The following AUTS2 variants were observed in gnomAD, a reference collection of about 807,000 sequenced individuals.
AUTS2 encodes activator of transcription and developmental regulator AUTS2.
AUTS2 carries 17 observed loss-of-function variants against 112.4 expected under a neutral mutation model. The observed-to-expected ratio is 0.15, with a 90% CI of 0.10 to 0.23. AUTS2 has a LOEUF of 0.23. AUTS2 is among the 10% of genes least tolerant of loss of function. The probability of loss-of-function intolerance (pLI) is 1.00; values close to 1 mark genes in which losing one functional copy is unlikely to be tolerated. For synonymous variants in AUTS2, 751 were observed against 702.7 expected (o/e 1.07, Z -1.09); for missense variants, 1,510 against 1,701.6 (o/e 0.89, Z 1.98).
intron 1 of AUTS2, among the ~76,000 whole-genome samples, chr7:69,712,598 C>A (rs1427973232): frequency 1.3e-5 from 2 of 152,036 alleles, no homozygotes; most frequent in Non-Finnish European, 2.9e-5. Flanking sequence ...TATGGATACA[C>A]CAAAGTTTGT....
chr7:70,448,549 A>C (rs1046142763), intron 5 of AUTS2, among the ~76,000 whole-genome samples: 2 of 152,226 alleles, frequency 1.3e-5, no homozygotes, highest in African/African-American at 4.8e-5. Context: ...CCTTAGATCC[A>C]ATCACTCAAG....
In AUTS2 at chr7:69,877,741, T is replaced by C. The variant is rs778156301; in HGVS notation, c.310-21545T>C. Among the ~76,000 whole-genome samples, 41 of 152,154 alleles carry C rather than the reference T, an allele frequency of 2.7e-4. 1 individual carries two copies. Among genetic ancestry groups the C allele is most frequent in the Non-Finnish European group, 4.9e-4 (33 of 68,034 alleles). ...TTTCCTGTTACTGTGGTAATTCGCTTAGGAGAAAAACACATTTAAATAGAC... is the reference window on the plus strand; with the variant it reads ...TTTCCTGTTACTGTGGTAATTCGCTCAGGAGAAAAACACATTTAAATAGAC... On this transcript the variant is annotated intron_variant, in intron 1 of 18. Coordinates refer to ENST00000342771, the MANE Select transcript of AUTS2 (RefSeq NM_015570.4).
intron 5 of AUTS2, among the ~76,000 whole-genome samples, chr7:70,635,405 G>A (rs1805483302): frequency 6.6e-6 from 1 of 152,334 alleles, no homozygotes; most frequent in African/African-American, 2.4e-5. Flanking sequence ...TTTTAGTGGA[G>A]ATAGGTTAGC....
At chr7:69,797,146 C>A (rs574497564) in intron 1 of AUTS2, among the ~76,000 whole-genome samples, 12 of 152,280 alleles carry the variant, frequency 7.9e-5, no homozygotes, top group Non-Finnish European at 1.8e-4. Context: ...CAGAATGTAA[C>A]CTCTTGGGGA....
chr7:70,417,096 C>T (rs1795018648), intron 4 of AUTS2, among the ~76,000 whole-genome samples: 1 of 152,198 alleles, frequency 6.6e-6, no homozygotes, highest in Non-Finnish European at 1.5e-5. Context: ...CTCCACTCTG[C>T]TGGAGGAGAC....
At chr7:69,657,006 C>A (rs1213906863) in intron 1 of AUTS2, among the ~76,000 whole-genome samples, 1 of 152,116 alleles carries the variant, frequency 6.6e-6, no homozygotes, top group Non-Finnish European at 1.5e-5. Flanking sequence ...AGTCGTGCAG[C>A]CTTTCTGGAT....
intron 1 of AUTS2, among the ~76,000 whole-genome samples, chr7:69,790,334 T>C (rs1403635248): frequency 6.6e-6 from 1 of 152,110 alleles, no homozygotes; most frequent in Non-Finnish European, 1.5e-5. Context: ...GTAATCTAGA[T>C]TTTATCCCAT....
intron 4 of AUTS2, among the ~76,000 whole-genome samples, chr7:70,337,016 C>G (rs950812129): frequency 7.2e-5 from 11 of 152,150 alleles, no homozygotes; most frequent in Non-Finnish European, 1.6e-4. Context: ...TTTAAAAATC[C>G]TTGAAGACTT....
At chr7:70,375,081 T>C (rs536170744) in intron 4 of AUTS2, among the ~76,000 whole-genome samples, 1 of 152,346 alleles carries the variant, frequency 6.6e-6, no homozygotes, top group Admixed American at 6.5e-5. Flanking sequence ...TCGCACAGTT[T>C]CTGGTTGGTG....
intron 4 of AUTS2, among the ~76,000 whole-genome samples, chr7:70,370,682 C>G (rs1323065951): frequency 6.6e-6 from 1 of 152,134 alleles, no homozygotes; most frequent in African/African-American, 2.4e-5. Context: ...TTTCATTTCT[C>G]TTAGACATAT....
intron 4 of AUTS2, among the ~76,000 whole-genome samples, chr7:70,217,780 G>A (rs1016052334): frequency 2.6e-5 from 4 of 152,148 alleles, no homozygotes; most frequent in Admixed American, 2.0e-4. Context: ...TTGCAGCTTC[G>A]CTAGTGCATT....
intron 6 of AUTS2, among the ~76,000 whole-genome samples, chr7:70,734,343 G>A (rs1328156041): frequency 6.6e-6 from 1 of 152,074 alleles, no homozygotes; most frequent in Non-Finnish European, 1.5e-5. Flanking sequence ...GGGGGGCTGA[G>A]GCAGGAGAAT....
intron 2 of AUTS2, among the ~76,000 whole-genome samples, chr7:69,937,775 T>C (rs17459722): frequency 0.084 from 12,843 of 152,222 alleles, 626 homozygotes; most frequent in East Asian, 0.13. Context: ...AGCTGTTAGT[T>C]TGAGAAATGC....
intron 4 of AUTS2, among the ~76,000 whole-genome samples, chr7:70,367,574 A>G (rs2129629307): frequency 6.8e-6 from 1 of 146,106 alleles, no homozygotes; most frequent in Non-Finnish European, 1.5e-5. Context: ...AAAAAATTGT[A>G]AAAAATAATA....
intron 1 of AUTS2, among the ~76,000 whole-genome samples, chr7:69,846,110 TGGTCTGTGCC>T: frequency 6.6e-6 from 1 of 151,936 alleles, no homozygotes; most frequent in Non-Finnish European, 1.5e-5. Context: ...TTTTTTTTTT[TGGTCTGTGCC>T]TTTTGTTAAT....
chr7:70,754,744 A>T (rs1789085452), intron 6 of AUTS2, among the ~76,000 whole-genome samples: 1 of 152,244 alleles, frequency 6.6e-6, no homozygotes, highest in African/African-American at 2.4e-5. Flanking sequence ...GAATAATAAA[A>T]ATAGGACATG....
intron 4 of AUTS2, among the ~76,000 whole-genome samples, chr7:70,258,392 T>C (rs535316371): frequency 5.9e-5 from 9 of 152,242 alleles, no homozygotes; most frequent in Non-Finnish European, 1.3e-4. Context: ...TCAGTCTGTT[T>C]TCTGTGAACA....
intron 1 of AUTS2, among the ~76,000 whole-genome samples, chr7:69,777,925 A>T (rs1788965723): frequency 6.6e-6 from 1 of 152,072 alleles, no homozygotes; most frequent in Admixed American, 6.6e-5. Context: ...TTGTTTGTGG[A>T]TGTGGGTTAT....
chr7:70,681,529 T>A (rs969556463), intron 5 of AUTS2, among the ~76,000 whole-genome samples: 21 of 151,426 alleles, frequency 1.4e-4, no homozygotes, highest in Non-Finnish European at 2.2e-4. Flanking sequence ...ATATATATTT[T>A]TTTTTTCTTC....
Sources: gnomAD v4.1 joint callset for allele counts (sites outside exome capture counted in the v4.1 genomes callset) on GRCh38, gnomAD v4.1.1 for gene constraint, MANE v1.5 for transcripts, NCBI Gene and HGNC (gene_info 2026-07-23, HGNC 2026-07-21) for gene names.